Variants in GLIS3 observed in about 807,000 individuals in gnomAD.
GLIS3 encodes the protein GLIS family zinc finger 3.
GLIS3 carries 53 observed loss-of-function variants against 78.6 expected under a neutral mutation model. That is an observed-to-expected ratio of 0.67 (90% CI 0.54 to 0.85). GLIS3 has a LOEUF of 0.85. GLIS3 is among the 40% of genes least tolerant of loss of function. GLIS3 has a pLI of 0.00. For missense variants in GLIS3, 1,703 were observed against 1,231.1 expected (o/e 1.38, Z -5.74); for synonymous variants, 684 against 509.9 (o/e 1.34, Z -4.60).
rs188691922 is a variant in GLIS3 at position 4,215,993 on chromosome 9, A to T, written c.388+70045T>A. ...AACTCTCATTTTGATGCTGGACTCC[A>T]TGATGCTTGGGCTGATGGTCCAGTT... On this transcript the variant is annotated intron_variant, in intron 2 of 10. Coordinates refer to ENST00000381971, the MANE Select transcript of GLIS3 (RefSeq NM_001042413.2). 3.9e-5 allele frequency among the ~76,000 whole-genome samples: 6 copies of T among 152,322 alleles called. No homozygotes were observed. In the East Asian group the frequency reaches 9.6e-4, roughly 24 times the overall value.
chr9:4,240,403 C>T (rs1175880306), intron 2 of GLIS3, among the ~76,000 whole-genome samples: 1 of 152,144 alleles, frequency 6.6e-6, no homozygotes, highest in Non-Finnish European at 1.5e-5. Context: ...TCACCTCCTG[C>T]TGTGGGACCC....
At chr9:4,380,850 G>T in the GLIS3 span, among the ~76,000 whole-genome samples, 2 of 152,178 alleles carry the variant, frequency 1.3e-5, no homozygotes, top group African/African-American at 4.8e-5. Context: ...AGAAGAGAAG[G>T]ACTCCCTGCA....
At chr9:4,251,510 T>C (rs1248412142) in intron 2 of GLIS3, among the ~76,000 whole-genome samples, 2 of 151,952 alleles carry the variant, frequency 1.3e-5, no homozygotes, top group Admixed American at 6.6e-5. Flanking sequence ...TGTCTTTGCA[T>C]GTGAGATGAG....
chr9:4,290,464 G>T (rs1828357931), intron 1 of GLIS3, among the ~76,000 whole-genome samples: 1 of 151,994 alleles, frequency 6.6e-6, no homozygotes, highest in African/African-American at 2.4e-5. Context: ...TCGCTGCCTT[G>T]TTAATAGGTC....
At chr9:3,840,528 C>G (rs1818647408) in intron 9 of GLIS3, among the ~76,000 whole-genome samples, 1 of 152,204 alleles carries the variant, frequency 6.6e-6, no homozygotes, top group Non-Finnish European at 1.5e-5. Context: ...ACTGAACCAG[C>G]TTGCAAAGCA....
Position 4,120,131 on chromosome 9 carries a change from G to T in GLIS3, c.597-1250C>A, listed in dbSNP as rs553079054. On this transcript the variant is annotated intron_variant, in intron 3 of 10. Coordinates refer to ENST00000381971, the MANE Select transcript of GLIS3 (RefSeq NM_001042413.2). ...CAAAATGAACACATTGTTTCCAGCTGTTAAACATCAACCTGTCTCAAAGGA... is the reference window on the plus strand; with the variant it reads ...CAAAATGAACACATTGTTTCCAGCTTTTAAACATCAACCTGTCTCAAAGGA... Among the ~76,000 whole-genome samples the T allele has an allele frequency of 3.9e-5, 6 of 152,314 alleles. No homozygotes were observed. In the South Asian group the frequency reaches 1.2e-3, roughly 32 times the overall value.
At chr9:4,142,715 T>C (rs1367481233) in intron 2 of GLIS3, among the ~76,000 whole-genome samples, 1 of 152,192 alleles carries the variant, frequency 6.6e-6, no homozygotes, top group Non-Finnish European at 1.5e-5. Context: ...AGAAAAATTA[T>C]GAAGAGATCT....
At chr9:4,487,487 G>A in the GLIS3 span, among the ~76,000 whole-genome samples, 3 of 152,122 alleles carry the variant, frequency 2.0e-5, no homozygotes, top group Non-Finnish European at 4.4e-5. Flanking sequence ...TCACCAAGCT[G>A]ATAAGTGGTG....
At chr9:4,275,381 G>C (rs554183184) in intron 2 of GLIS3, among the ~76,000 whole-genome samples, 4 of 152,284 alleles carry the variant, frequency 2.6e-5, no homozygotes, top group African/African-American at 9.6e-5. Context: ...CAAATAGAGA[G>C]AAGGAGAAAG....
At position 3,826,368 on chromosome 9, in the gene GLIS3, C is replaced by G. The variant is rs1485374388; in HGVS notation, c.*1904G>C. 2 of 152,186 alleles carry G rather than the reference C, an allele frequency of 1.3e-5. No individual in the cohort carries two copies. Among genetic ancestry groups the G allele is most frequent in the Admixed American group, 6.5e-5 (1 of 15,286 alleles). 9.4% of individuals were successfully genotyped at this position (152,186 alleles called of 1,614,324 possible). ...GGCCACTTGTTTAGGCCAAGTGACA[C>G]GACCCACAAAGTCTGCAGGAAGGGT... is the stretch of plus-strand genomic sequence containing the variant. On this transcript the variant is annotated 3_prime_UTR_variant, in exon 11 of 11. Transcript: ENST00000381971.
intron 2 of GLIS3, among the ~76,000 whole-genome samples, chr9:4,172,435 A>T (rs369439220): frequency 2.0e-5 from 3 of 152,276 alleles, no homozygotes; most frequent in African/African-American, 7.2e-5. Context: ...ATTAATTGGG[A>T]ATCTGGAGTT....
chr9:4,432,750 C>T, the GLIS3 span, among the ~76,000 whole-genome samples: 2 of 150,770 alleles, frequency 1.3e-5, no homozygotes, highest in Non-Finnish European at 2.9e-5. Flanking sequence ...AAGTGATTCT[C>T]CTGCCTCAGC....
chr9:4,385,429 T>C, the GLIS3 span, among the ~76,000 whole-genome samples: 1 of 152,224 alleles, frequency 6.6e-6, no homozygotes, highest in African/African-American at 2.4e-5. Context: ...TGTGGGAGCC[T>C]GAGGCCGGTG....
intron 4 of GLIS3, among the ~76,000 whole-genome samples, chr9:4,106,446 C>T (rs1830757629): frequency 6.6e-6 from 1 of 152,108 alleles, no homozygotes; most frequent in South Asian, 2.1e-4. Context: ...TGTGGTATTG[C>T]ATGATGTTTA....
the GLIS3 span, among the ~76,000 whole-genome samples, chr9:4,415,783 T>A: frequency 7.5e-5 from 10 of 132,792 alleles, no homozygotes; most frequent in African/African-American, 1.8e-4. Context: ...ACATATTTTT[T>A]AAAAAATTTT....
At chr9:3,996,510 A>T (rs1344664403) in intron 4 of GLIS3, among the ~76,000 whole-genome samples, 1 of 152,202 alleles carries the variant, frequency 6.6e-6, no homozygotes, top group Admixed American at 6.5e-5. Context: ...CTGTTACATT[A>T]AAAGTGCATG....
At chr9:3,834,234 C>T (rs1346914304) in intron 9 of GLIS3, among the ~76,000 whole-genome samples, 2 of 152,036 alleles carry the variant, frequency 1.3e-5, no homozygotes, top group South Asian at 2.1e-4. Context: ...GATAAAGCAG[C>T]CCCATAAAGC....
intron 4 of GLIS3, among the ~76,000 whole-genome samples, chr9:4,083,307 G>C (rs1828715569): frequency 6.6e-6 from 1 of 152,108 alleles, no homozygotes; most frequent in South Asian, 2.1e-4. Flanking sequence ...TTGCACCAAA[G>C]CAGACATCAC....
chr9:4,488,786 G>C, the GLIS3 span, among the ~76,000 whole-genome samples: 4 of 152,144 alleles, frequency 2.6e-5, no homozygotes, highest in Admixed American at 6.5e-5. Flanking sequence ...CCAAATTGCT[G>C]GAATTACAGG....
Sources: allele counts gnomAD v4.1 joint callset (sites outside exome capture counted in the v4.1 genomes callset), GRCh38; gene constraint gnomAD v4.1.1; transcripts MANE v1.5; gene names NCBI Gene and HGNC (gene_info 2026-07-23, HGNC 2026-07-21).